DNTTIP2: variants seen among roughly 807,000 people sequenced by gnomAD.
DNTTIP2 encodes the protein deoxynucleotidyltransferase terminal interacting protein 2.
In DNTTIP2, 47 loss-of-function variants were observed where a neutral mutation model predicts 62.4. The ratio of observed to expected loss-of-function variants is 0.75; its 90% confidence interval spans 0.60 to 0.96. The LOEUF is 0.96. DNTTIP2 is among the 40% of genes least tolerant of loss of function. The pLI is 0.00. For synonymous variants in DNTTIP2, 322 were observed against 300.9 expected, an observed-to-expected ratio of 1.07 and a Z score of -0.73; for missense variants, 870 against 849.1, an observed-to-expected ratio of 1.02 and a Z score of -0.31.
intron 2 of DNTTIP2, 114 bp from the exon 3 acceptor site, chr1:93,875,897 A>G: frequency 3.8e-6 from 4 of 1,048,120 alleles, no homozygotes; most frequent in Non-Finnish European, 5.4e-6. Context: ...TCCACAATAA[A>G]GAAAAAAAAG....
rs372133827 is a variant in DNTTIP2, at chr1:93,872,162, A to G, written c.1977T>C (p.Asn659=). The change falls in exon 5 of 7, where the codon AAT becomes AAC. Residue 659 remains asparagine (N), a synonymous_variant. Coordinates refer to ENST00000436063, the MANE Select transcript of DNTTIP2 (RefSeq NM_014597.5). The stretch of plus-strand genomic sequence containing the variant: ...CTCTCATCTTCAGTGCTTTGAGATC[A>G]TTTTTCAGTTCATTTGTCATTTCTG... The part of the protein sequence containing the change: ...KAPEMTNELK[N]DLKALKMRAS... The G allele has an allele frequency of 6.2e-6, 10 of 1,613,616 alleles. No individual in the cohort carries two copies. In the African/African-American group the frequency reaches 6.7e-5, roughly 11 times the overall value.
rs765053450 is a variant in DNTTIP2, at chr1:93,869,913, C to T, written c.2209G>A (p.Ala737Thr). 7.7e-6 allele frequency: 6 copies of T among 779,878 alleles called. No individual in the cohort carries two copies. The highest frequency in any genetic ancestry group is 1.4e-5 in the Non-Finnish European group (6 of 417,632). The allele number at this position is 779,878 out of a possible 1,614,324, so 48.3% of individuals were successfully genotyped here. ...CCTGCTGCATTTGCTGCTTTTTCAG[C>T]CATGATCTCTGAGTACTTCCTTCGG... ...YNRRKYSEIM[A>T]EKAANAAGKK... The change falls in exon 7 of 7, where the codon GCT becomes ACT. Residue 737 changes from alanine to threonine, a missense_variant. Transcript: ENST00000436063.
chr1:93,873,049 G>A lies in DNTTIP2; in HGVS notation c.1902+70C>T, dbSNP rs1045797217. 21 of 1,071,108 alleles carry A rather than the reference G, an allele frequency of 2.0e-5. No homozygotes were observed. In the African/African-American group the frequency reaches 3.0e-4, roughly 15 times the overall value. The allele number at this position is 1,071,108 out of a possible 1,614,324, so 66.4% of individuals were successfully genotyped here. On this transcript the variant is annotated intron_variant, in intron 4 of 6. Transcript: ENST00000436063. ...CCAACAGATACAGTTTAATTGTGCA[G>A]TTATGTTGTATAAGCTGAAAATATA...
Position 93,873,189 on chromosome 1 carries a change from G to C in DNTTIP2, c.1832C>G (p.Pro611Arg). ...AACACAGTGGTTTTTTTCAAAATCA[G>C]GTGTAATGACGGCTTTCTGCAGAAG... is the stretch of plus-strand genomic sequence containing the variant. ...NELLQKAVIT[P>R]DFEKNHCVPP... Residue 611 changes from proline to arginine, a missense_variant, in exon 4 of 7, where the codon CCT becomes CGT. Physicochemically the swap from Pro to Arg is moderately radical, Grantham distance 103. Coordinates refer to ENST00000436063, the MANE Select transcript of DNTTIP2 (RefSeq NM_014597.5). 6.2e-7 allele frequency: 1 copy of C among 1,611,674 alleles called. No individual in the cohort carries two copies. Among genetic ancestry groups the C allele is most frequent in the Non-Finnish European group, 8.5e-7 (1 of 1,178,832 alleles).
chr1:93,878,918 T>C (rs574831428), intron 1 of DNTTIP2, 159 bp downstream of exon 1: 2 of 896,044 alleles, frequency 2.2e-6, no homozygotes, highest in Admixed American at 3.0e-5. Flanking sequence ...ACAGTTTCCG[T>C]GACAGGCTTA....
chr1:93,877,173 C>G lies in DNTTIP2; in HGVS notation c.762G>C (p.Glu254Asp). ...TATTATAGAAATTTGGCTTATTTAT[C>G]TCAGAAAGAGATCTTGCTTGTAAAT... ...TSHLQARSLS[E>D]INKPNFYNND... Residue 254 changes from glutamate (E) to aspartate (D), a missense_variant, in exon 2 of 7, where the codon GAG becomes GAC. Physicochemically the swap from Glu to Asp is conservative, Grantham distance 45 (BLOSUM62 2). Coordinates refer to ENST00000436063, the MANE Select transcript of DNTTIP2 (RefSeq NM_014597.5). The G allele has an allele frequency of 1.2e-6, 2 of 1,613,498 alleles. No individual in the cohort carries two copies. The highest frequency in any genetic ancestry group is 1.7e-6 in the Non-Finnish European group (2 of 1,179,862).
In DNTTIP2 at chr1:93,879,110, G is replaced by C; in HGVS notation, c.39C>G (p.Ile13Met). The C allele has an allele frequency of 1.2e-6, 2 of 1,613,740 alleles. No homozygotes were observed. The highest frequency in any genetic ancestry group is 1.7e-6 in the Non-Finnish European group (2 of 1,179,884). ...VTRSARAKAS[I>M]QAASAESSGQ... ...CGGAACTTTCAGCCGACGCGGCTTG[G>C]ATGCTGGCCTTAGCCCGTGCAGATC... Residue 13 changes from isoleucine (I) to methionine (M), a missense_variant, in exon 1 of 7, where the codon ATC becomes ATG. Transcript: ENST00000436063.
rs1655911656 is a variant in DNTTIP2 at position 93,873,098 on chromosome 1, TAATTA to T, written c.1902+16_1902+20del. On this transcript the variant is annotated intron_variant, in intron 4 of 6. Transcript: ENST00000436063. Reference sequence around the variant, plus strand: ...TATAGCCAAACATATCTAAGCATTTTAATTAAGTCACTGTACTTACTCTGCGTTTT... The same window carrying T: ...TATAGCCAAACATATCTAAGCATTTTAGTCACTGTACTTACTCTGCGTTTT... 3.9e-6 allele frequency: 6 copies of T among 1,528,960 alleles called. No individual in the cohort carries two copies. Among genetic ancestry groups the T allele is most frequent in the African/African-American group, 1.4e-5 (1 of 72,418 alleles). 94.7% of individuals were successfully genotyped at this position (1,528,960 alleles called of 1,614,324 possible).
At chr1:93,875,273 A>C (rs879547598) in intron 3 of DNTTIP2, among the ~76,000 whole-genome samples, 1 of 152,224 alleles carries the variant, frequency 6.6e-6, no homozygotes, top group Admixed American at 6.5e-5. Flanking sequence ...GTCTATATGC[A>C]CATGTGCATT....
At position 93,875,802 on chromosome 1, in the gene DNTTIP2, C is replaced by T; in HGVS notation, c.1668-19G>A. ...CTTCAGACTGAAAAAGAAATCATCA[C>T]TTAAAGATCAAGTAATTAAATCAAA... On this transcript the variant is annotated intron_variant, in intron 2 of 6. Transcript: ENST00000436063. 1 of 1,596,144 alleles carries T rather than the reference C, an allele frequency of 6.3e-7. No individual in the cohort carries two copies. Among genetic ancestry groups the T allele is most frequent in the Non-Finnish European group, 8.5e-7 (1 of 1,174,062 alleles).
rs762456217 is a variant in DNTTIP2 at position 93,879,165 on chromosome 1, C to T, written c.-17G>A. ...AACCACCATCTTTCCGGCTCCCTCG[C>T]GACCACCACGACTTCCCTCTTCCCT... On this transcript the variant is annotated 5_prime_UTR_variant, in exon 1 of 7. Transcript: ENST00000436063. 9 of 1,610,228 alleles carry T rather than the reference C, an allele frequency of 5.6e-6. No individual in the cohort carries two copies. In the South Asian group the frequency reaches 7.7e-5, roughly 14 times the overall value.
rs776616287 is a variant in DNTTIP2 at position 93,879,149 on chromosome 1, C to T, written c.-1G>A. The stretch of plus-strand genomic sequence containing the variant: ...CCCGTGCAGATCTGGTAACCACCAT[C>T]TTTCCGGCTCCCTCGCGACCACCAC... On this transcript the variant is annotated 5_prime_UTR_variant, in exon 1 of 7. Coordinates refer to ENST00000436063, the MANE Select transcript of DNTTIP2 (RefSeq NM_014597.5). The T allele has an allele frequency of 1.2e-6, 2 of 1,612,684 alleles. No homozygotes were observed. Among genetic ancestry groups the T allele is most frequent in the South Asian group, 2.2e-5 (2 of 91,054 alleles).
Position 93,872,055 on chromosome 1 carries a change from T to C in DNTTIP2, c.2067+17A>G. The C allele has an allele frequency of 6.2e-7, 1 of 1,613,292 alleles. No individual in the cohort carries two copies. Among genetic ancestry groups the C allele is most frequent in the South Asian group, 1.1e-5 (1 of 91,006 alleles). On this transcript the variant is annotated intron_variant, in intron 5 of 6. Transcript: ENST00000436063. ...TAAAATTCACAGATCATCACCACTA[T>C]TCTGTTTGCTTCATACCTGGAAGTA... is the stretch of plus-strand genomic sequence containing the variant.
In DNTTIP2 at chr1:93,876,727, G is replaced by T. The variant is rs753984933; in HGVS notation, c.1208C>A (p.Ser403Tyr). 2 of 1,613,898 alleles carry T rather than the reference G, an allele frequency of 1.2e-6. No individual in the cohort carries two copies. Among genetic ancestry groups the T allele is most frequent in the Admixed American group, 1.7e-5 (1 of 60,024 alleles). The change falls in exon 2 of 7, where the codon TCC becomes TAC. Residue 403 changes from serine to tyrosine, a missense_variant. Physicochemically the swap from Ser to Tyr is moderately radical, Grantham distance 144. Coordinates refer to ENST00000436063, the MANE Select transcript of DNTTIP2 (RefSeq NM_014597.5). ...GTCTTCACTGACACTTATAACTGTG[G>T]ACTCTTCTTCATCATCACTACCACC... ...DCGGSDDEEESTVISVSEDMN... is the reference protein window; with the variant it reads ...DCGGSDDEEEYTVISVSEDMN...
At chr1:93,871,942 A>G in intron 5 of DNTTIP2, 130 bp downstream of exon 5, 6 of 995,110 alleles carry the variant, frequency 6.0e-6, no homozygotes, top group Non-Finnish European at 8.9e-6. Flanking sequence ...TGGCCTATGC[A>G]GATATGTTCC....
intron 3 of DNTTIP2, among the ~76,000 whole-genome samples, chr1:93,875,114 C>G (rs994065600): frequency 6.6e-6 from 1 of 152,090 alleles, no homozygotes; most frequent in African/African-American, 2.4e-5. Context: ...CAAATAGGTA[C>G]TTGGATTTAA....
rs779571444 is a variant in DNTTIP2 at position 93,876,804 on chromosome 1, G to C, written c.1131C>G (p.Asn377Lys). The C allele has an allele frequency of 6.2e-7, 1 of 1,613,806 alleles. No individual in the cohort carries two copies. ...TTGCTTTTATGGGGCTCTTTTTGTT[G>C]TTATTCCATCTGCCTACTTCCACAG... ...FATVEVGRWN[N>K]NKKSPIKASD... The change falls in exon 2 of 7, where the codon AAC becomes AAG. Residue 377 changes from asparagine to lysine, a missense_variant. Transcript: ENST00000436063.
Position 93,876,340 on chromosome 1 carries a change from G to T in DNTTIP2, c.1595C>A (p.Ser532Ter), listed in dbSNP as rs374061687. 6.4e-7 allele frequency: 1 copy of T among 1,554,948 alleles called. No homozygotes were observed. The highest frequency in any genetic ancestry group is 1.4e-5 in the African/African-American group (1 of 73,198). ...ATCTTCATTTTCGTCATGGTCTGAT[G>T]AATCTTCTTCACTTTTTTCATCCTC... Reference protein sequence around the residue: ...EEEDEKSEEDSSDHDENEDEF... With the variant: ...EEEDEKSEED The change falls in exon 2 of 7, where the codon TCA (serine) becomes TAA (stop). Residue 532 changes from serine (S) to a stop codon, truncating the protein, a stop_gained. Transcript: ENST00000436063. LOFTEE classifies it high-confidence loss of function.
At position 93,876,668 on chromosome 1, in the gene DNTTIP2, C is replaced by G; in HGVS notation, c.1267G>C (p.Asp423His). ...NSEGNVDFEC[D>H]TKLYTSAPNT... is the part of the protein sequence containing the mutation. ...GGCGCAGACGTGTATAGTTTGGTAT[C>G]ACATTCAAAATCTACATTCCCTTCA... The change falls in exon 2 of 7, where the codon GAT becomes CAT. Residue 423 changes from aspartate to histidine, a missense_variant. Coordinates refer to ENST00000436063, the MANE Select transcript of DNTTIP2 (RefSeq NM_014597.5). 6.2e-7 allele frequency: 1 copy of G among 1,614,014 alleles called. No individual in the cohort carries two copies. The highest frequency in any genetic ancestry group is 8.5e-7 in the Non-Finnish European group (1 of 1,179,890).
Sources: allele counts gnomAD v4.1 joint callset (sites outside exome capture counted in the v4.1 genomes callset), GRCh38; gene constraint gnomAD v4.1.1; transcripts MANE v1.5; gene names NCBI Gene and HGNC (gene_info 2026-07-23, HGNC 2026-07-21).